The following PAK1 variants were observed in gnomAD, a reference collection of about 807,000 sequenced individuals.
PAK1 encodes the protein p21 (RAC1) activated kinase 1.
Under a neutral mutation model 67.4 loss-of-function variants are expected in PAK1, and 29 were observed. The ratio of observed to expected loss-of-function variants is 0.43; its 90% CI spans 0.32 to 0.59. The LOEUF (loss-of-function observed/expected upper bound fraction) is 0.59. PAK1 is among the 20% of genes least tolerant of loss of function. The pLI, the probability that PAK1 is intolerant of heterozygous loss-of-function variation, is 0.07. For missense variants in PAK1, 337 were observed against 670.7 expected (o/e 0.50, Z 5.50); for synonymous variants, 223 against 237.4 (o/e 0.94, Z 0.56).
intron 1 of PAK1, among the ~76,000 whole-genome samples, chr11:77,449,169 T>C (rs1956744857): frequency 6.6e-6 from 1 of 152,198 alleles, no homozygotes; most frequent in African/African-American, 2.4e-5. Flanking sequence ...CTTGACTTGA[T>C]GGGCCTTTGG....
chr11:77,419,093 G>A (rs1459100859), intron 1 of PAK1, among the ~76,000 whole-genome samples: 5 of 152,198 alleles, frequency 3.3e-5, no homozygotes, highest in Non-Finnish European at 7.3e-5. Flanking sequence ...TTTCAATGGT[G>A]GGTGCTGCTA....
intron 1 of PAK1, among the ~76,000 whole-genome samples, chr11:77,434,507 A>G (rs191819328): frequency 1.2e-3 from 176 of 151,438 alleles, no homozygotes; most frequent in African/African-American, 4.1e-3. Flanking sequence ...AGAGCAGTGG[A>G]ACTATCATGG....
upstream of PAK1, chr11:77,476,561 G>A (rs1158864637): frequency 2.0e-5 from 3 of 152,250 alleles, no homozygotes; most frequent in Admixed American, 6.5e-5. Flanking sequence ...ACTGGAAAAT[G>A]GAAAAGGCAA....
At chr11:77,359,147 C>G (rs1417710493) in intron 5 of PAK1, 130 bp from the exon 6 acceptor site, 3 of 776,110 alleles carry the variant, frequency 3.9e-6, no homozygotes, top group African/African-American at 1.7e-5. Context: ...CCTCCAAGCT[C>G]TCACCTTTGT....
At chr11:77,347,085 G>T in intron 9 of PAK1, 2 of 456,250 alleles carry the variant, frequency 4.4e-6, no homozygotes, top group Non-Finnish European at 8.8e-6. Context: ...TCTCCCTGGG[G>T]CAGGAAATGA....
At chr11:77,399,686 C>T (rs1347419372) in intron 1 of PAK1, among the ~76,000 whole-genome samples, 4 of 150,700 alleles carry the variant, frequency 2.7e-5, no homozygotes, top group Admixed American at 1.3e-4. Context: ...GGTGAAACCC[C>T]GTCTCTACTA....
rs1220194939 is a variant in PAK1 at position 77,351,306 on chromosome 11, C to CT, written c.837-2020dup. On this transcript the variant is annotated intron_variant, in intron 8 of 14. Transcript: ENST00000356341. ...ATTTATAGGTCTCATATATCAGTAACTAAAAAAAAAAAAAAAGTCACAAAA... is the reference window on the plus strand; with the variant it reads ...ATTTATAGGTCTCATATATCAGTAACTTAAAAAAAAAAAAAAAGTCACAAAA... Among the ~76,000 whole-genome samples, 4 of 145,656 alleles carry CT rather than the reference C, an allele frequency of 2.7e-5. No homozygotes were observed. In the East Asian group the frequency reaches 6.0e-4, roughly 22 times the overall value.
At chr11:77,328,103 C>T (rs1940493678) in intron 14 of PAK1, among the ~76,000 whole-genome samples, 1 of 152,180 alleles carries the variant, frequency 6.6e-6, no homozygotes, top group African/African-American at 2.4e-5. Flanking sequence ...AATATATATG[C>T]ACCCAATACA....
intron 5 of PAK1, among the ~76,000 whole-genome samples, chr11:77,369,598 C>T (rs1310820567): frequency 2.0e-5 from 3 of 151,814 alleles, no homozygotes; most frequent in Non-Finnish European, 4.4e-5. Context: ...CAGGCATATA[C>T]CCCCACACCT....
intron 1 of PAK1, among the ~76,000 whole-genome samples, chr11:77,427,733 A>G (rs1395664941): frequency 6.6e-6 from 1 of 152,222 alleles, no homozygotes; most frequent in Non-Finnish European, 1.5e-5. Flanking sequence ...GTGAAAAGAG[A>G]GAGAATGAAG....
At chr11:77,353,419 G>A in intron 8 of PAK1, 117 bp downstream of exon 8, 1 of 712,198 alleles carries the variant, frequency 1.4e-6, no homozygotes, top group South Asian at 1.7e-5. Flanking sequence ...ATGGGTGAGG[G>A]GTAAAGTGGA....
chr11:77,511,072 G>A, the PAK1 span, among the ~76,000 whole-genome samples: 1 of 152,132 alleles, frequency 6.6e-6, no homozygotes, highest in Admixed American at 6.5e-5. Context: ...GAGCAGACAG[G>A]GAACCAACCA....
the PAK1 span, among the ~76,000 whole-genome samples, chr11:77,518,677 T>G: frequency 6.6e-6 from 1 of 152,128 alleles, no homozygotes; most frequent in Non-Finnish European, 1.5e-5. Context: ...TCATCTGAAG[T>G]GTCATCACTG....
chr11:77,338,642 C>A (rs1235239755), intron 11 of PAK1, among the ~76,000 whole-genome samples: 1 of 152,106 alleles, frequency 6.6e-6, no homozygotes, highest in Non-Finnish European at 1.5e-5. Flanking sequence ...TACCTCCACA[C>A]AAAAACTGGT....
the PAK1 span, among the ~76,000 whole-genome samples, chr11:77,490,290 GC>G: frequency 1.7e-4 from 14 of 80,526 alleles, no homozygotes; most frequent in East Asian, 3.9e-4. Flanking sequence ...GTGGGGGTCA[GC>G]CCCCCCACCC....
the PAK1 span, among the ~76,000 whole-genome samples, chr11:77,489,777 G>A: frequency 6.6e-6 from 1 of 152,004 alleles, no homozygotes; most frequent in South Asian, 2.1e-4. Context: ...CTGGAGTGCA[G>A]TGGCGTGATC....
chr11:77,376,189 T>C (rs764181288), intron 4 of PAK1, among the ~76,000 whole-genome samples: 21 of 152,204 alleles, frequency 1.4e-4, no homozygotes, highest in Non-Finnish European at 2.6e-4. Context: ...ATACTTGTTA[T>C]GTCATATAAA....
At chr11:77,416,460 G>A (rs934712943) in intron 1 of PAK1, among the ~76,000 whole-genome samples, 2 of 152,042 alleles carry the variant, frequency 1.3e-5, no homozygotes, top group Non-Finnish European at 2.9e-5. Flanking sequence ...GGTCTTTAGG[G>A]GCAATAACAT....
At chr11:77,506,382 T>C in the PAK1 span, among the ~76,000 whole-genome samples, 1 of 152,194 alleles carries the variant, frequency 6.6e-6, no homozygotes, top group Non-Finnish European at 1.5e-5. Context: ...TCATGCCAGA[T>C]CAAACCTGGA....
Sources: allele counts gnomAD v4.1 joint callset (sites outside exome capture counted in the v4.1 genomes callset), GRCh38; gene constraint gnomAD v4.1.1; transcripts MANE v1.5; gene names NCBI Gene and HGNC (gene_info 2026-07-23, HGNC 2026-07-21).